PLG: variants seen among roughly 807,000 people sequenced by gnomAD.
PLG encodes the protein plasminogen, also known as plasmin.
Under a neutral mutation model 104.4 loss-of-function variants are expected in PLG, and 41 were observed. The ratio of observed to expected loss-of-function variants is 0.39; its 90% CI spans 0.31 to 0.51. The LOEUF (loss-of-function observed/expected upper bound fraction) is 0.51, where lower values mean the gene tolerates loss of function less well. Ranked by LOEUF, PLG falls within the 20% of genes least tolerant of loss-of-function variation. The pLI, the probability that PLG is intolerant of heterozygous loss-of-function variation, is 0.76. For synonymous variants in PLG, 337 were observed against 357.1 expected, an observed-to-expected ratio of 0.94 and a Z score of 0.63; for missense variants, 891 against 1,003.6, an observed-to-expected ratio of 0.89 and a Z score of 1.52.
At position 160,726,820 on chromosome 6, in the gene PLG, G is replaced by T. The variant is rs868820859; in HGVS notation, c.1257-4231G>T. ...CCCCAATACTTTTTAAGAGTTAAAG[G>T]GGTCTTAAGACCAAAAACTTTGAGA... On this transcript the variant is annotated intron_variant, in intron 10 of 18. Transcript: ENST00000308192. This position sits in a 1 kb window ranked among gnomAD's most constrained non-coding sequence, Gnocchi z 4.4. Among the ~76,000 whole-genome samples the T allele has an allele frequency of 6.6e-6, 1 of 151,798 alleles. No individual in the cohort carries two copies. The highest frequency in any genetic ancestry group is 1.5e-5 in the Non-Finnish European group (1 of 67,792).
intron 10 of PLG, 120 bp downstream of exon 10, chr6:160,722,687 T>C (rs1218588234): frequency 1.2e-6 from 1 of 829,124 alleles, no homozygotes; most frequent in African/African-American, 1.7e-5. Flanking sequence ...ACCCAGAATG[T>C]GTAGAAAAAT....
rs1375142190 is a variant in PLG, at chr6:160,730,900, C to A, written c.1257-151C>A. ...TACACAGTTGTTTAGAAGTTGAGGA[C>A]CATTTTTGTTTGTTACAACATTATT... is the stretch of plus-strand genomic sequence containing the variant. On this transcript the variant is annotated intron_variant, in intron 10 of 18. Transcript: ENST00000308192. 5 of 727,670 alleles carry A rather than the reference C, an allele frequency of 6.9e-6. No homozygotes were observed. The African/African-American group carries it at 8.8e-5, about 13-fold the overall frequency. The allele number at this position is 727,670 out of a possible 1,614,324, so 45.1% of individuals were successfully genotyped here.
chr6:160,731,013 C>A lies in PLG; in HGVS notation c.1257-38C>A. The A allele has an allele frequency of 6.2e-7, 1 of 1,603,204 alleles. No individual in the cohort carries two copies. Among genetic ancestry groups the A allele is most frequent in the Non-Finnish European group, 8.5e-7 (1 of 1,170,194 alleles). On this transcript the variant is annotated intron_variant, in intron 10 of 18. Transcript: ENST00000308192. The surrounding 1 kb of genome is among the most constrained non-coding windows in gnomAD (Gnocchi z 5.1). ...GGTGCTGGGTGCCCCTGAATATTCTCCCACCTCTTGTGACCTGTATTGTTT... is the reference window on the plus strand; with the variant it reads ...GGTGCTGGGTGCCCCTGAATATTCTACCACCTCTTGTGACCTGTATTGTTT...
At chr6:160,745,245 G>A (rs1441405961) in intron 17 of PLG, among the ~76,000 whole-genome samples, 1 of 152,204 alleles carries the variant, frequency 6.6e-6, no homozygotes, top group Non-Finnish European at 1.5e-5. Context: ...AATACTGTCA[G>A]TGGAGTACTG....
rs76889071 is a variant in PLG at position 160,716,392 on chromosome 6, A to T, written c.669-253A>T. On this transcript the variant is annotated intron_variant, in intron 6 of 18. Coordinates refer to ENST00000308192, the MANE Select transcript of PLG (RefSeq NM_000301.5). ...GCGGGAGGATTGCTTGAGTGAGTTC[A>T]AGGAGTTCAAGGCAAGCCTGGGCAA... Among the ~76,000 whole-genome samples the T allele has an allele frequency of 2.2e-3, 330 of 152,236 alleles. 2 individuals are homozygous for T. The highest frequency in any genetic ancestry group is 7.6e-3 in the African/African-American group (317 of 41,548).
Position 160,718,241 on chromosome 6 carries a change from A to G in PLG, c.788-53A>G, listed in dbSNP as rs920098994. On this transcript the variant is annotated intron_variant, in intron 7 of 18. Transcript: ENST00000308192. Reference sequence around the variant, plus strand: ...ACTCCAGCCTGGGCGACAGAGCGAGACTCCGTCTCAAAAAATATATATATT... The same window carrying G: ...ACTCCAGCCTGGGCGACAGAGCGAGGCTCCGTCTCAAAAAATATATATATT... 39 of 1,503,566 alleles carry G rather than the reference A, an allele frequency of 2.6e-5. No individual in the cohort carries two copies. The African/African-American group carries it at 4.8e-4, about 19-fold the overall frequency. The allele number at this position is 1,503,566 out of a possible 1,614,324, so 93.1% of individuals were successfully genotyped here. A position where few individuals can be genotyped will look rare whatever the true frequency, so the allele number is the denominator to read the frequency against.
intron 1 of PLG, among the ~76,000 whole-genome samples, chr6:160,704,209 C>A (rs1470080233): frequency 2.0e-5 from 3 of 152,144 alleles, no homozygotes; most frequent in Non-Finnish European, 4.4e-5. Context: ...CATATGAGTC[C>A]TAGAGGTGAA....
chr6:160,735,814 G>A lies in PLG; in HGVS notation c.1682-1073G>A, dbSNP rs1714290519. ...TTACTCTTTTAGTACAACGATGCAT[G>A]TCTACTGTATGTAAGGCATACTAGC... On this transcript the variant is annotated intron_variant, in intron 13 of 18. Transcript: ENST00000308192. This position sits in a 1 kb window ranked among gnomAD's most constrained non-coding sequence, Gnocchi z 5.4. Among the ~76,000 whole-genome samples the A allele has an allele frequency of 1.3e-5, 2 of 152,186 alleles. No individual in the cohort carries two copies. The highest frequency in any genetic ancestry group is 1.3e-4 in the Admixed American group (2 of 15,284).
At chr6:160,748,344 A>AAGGAAG (rs1778312918) in intron 17 of PLG, among the ~76,000 whole-genome samples, 3 of 71,320 alleles carry the variant, frequency 4.2e-5, no homozygotes, top group African/African-American at 1.5e-4. Flanking sequence ...GAAGGAAGAA[A>AAGGAAG]AGAAAGAGAA....
At chr6:160,711,294 C>T in intron 4 of PLG, 103 bp downstream of exon 4, 2 of 1,038,260 alleles carry the variant, frequency 1.9e-6, no homozygotes, top group African/African-American at 3.2e-5. Flanking sequence ...AAAATCCATG[C>T]TTCTCAAGTC....
rs1445710166 is a variant in PLG at position 160,744,916 on chromosome 6, A to C, written c.2125+3499A>C. 1.3e-5 allele frequency among the ~76,000 whole-genome samples: 2 copies of C among 152,144 alleles called. No individual in the cohort carries two copies. The highest frequency in any genetic ancestry group is 2.9e-5 in the Non-Finnish European group (2 of 68,016). ...CTGCCATAATTTCATTATTCACCCA[A>C]AAGTCATTCAGGAGCATGTTGTTTG... On this transcript the variant is annotated intron_variant, in intron 17 of 18. Coordinates refer to ENST00000308192, the MANE Select transcript of PLG (RefSeq NM_000301.5). The surrounding 1 kb of genome is among the most constrained non-coding windows in gnomAD (Gnocchi z 4.5).
rs1192019009 is a variant in PLG at position 160,753,585 on chromosome 6, G to T, written c.*524G>T. ...GCAAACCGATTCTGTTATTGGGAAT[G>T]AAATCTGTCACCGACTGCTTGACTT... On this transcript the variant is annotated 3_prime_UTR_variant, in exon 19 of 19. Transcript: ENST00000308192. The surrounding 1 kb of genome is among the most constrained non-coding windows in gnomAD (Gnocchi z 5.4). Among the ~76,000 whole-genome samples, 8 of 152,158 alleles carry T rather than the reference G, an allele frequency of 5.3e-5. No homozygotes were observed. The highest frequency in any genetic ancestry group is 5.2e-4 in the Admixed American group (8 of 15,270).
rs770460362 is a variant in PLG at position 160,731,088 on chromosome 6, G to C, written c.1294G>C (p.Asp432His). 3.7e-6 allele frequency: 6 copies of C among 1,613,904 alleles called. No homozygotes were observed. Among genetic ancestry groups the C allele is most frequent in the Non-Finnish European group, 5.1e-6 (6 of 1,179,964 alleles). The change falls in exon 11 of 19, where the codon GAT (aspartate) becomes CAT (histidine). Residue 432 changes from aspartate to histidine, a missense_variant. Asp to His is a moderately conservative substitution (Grantham distance 81). Transcript: ENST00000308192. This position sits in a 1 kb window ranked among gnomAD's most constrained non-coding sequence, Gnocchi z 5.1. ...TMNYCRNPDA[D>H]KGPWCFTTDP... Reference sequence around the variant, plus strand: ...GAACTACTGCAGGAATCCAGATGCCGATAAAGGCCCCTGGTGTTTTACCAC... The same window carrying C: ...GAACTACTGCAGGAATCCAGATGCCCATAAAGGCCCCTGGTGTTTTACCAC...
rs768546781 is a variant in PLG, at chr6:160,722,547, C to A, written c.1236C>A (p.Thr412=). 10 of 1,613,888 alleles carry A rather than the reference C, an allele frequency of 6.2e-6. No individual in the cohort carries two copies. The highest frequency in any genetic ancestry group is 8.5e-6 in the Non-Finnish European group (10 of 1,179,842). The change falls in exon 10 of 19, where the codon ACC becomes ACA. Residue 412 remains threonine, a synonymous_variant. Coordinates refer to ENST00000308192, the MANE Select transcript of PLG (RefSeq NM_000301.5). ...SSMTPHRHQK[T]PENYPNAGLT... is the part of the protein sequence containing the mutation. ...TGACACCACACCGGCACCAGAAGAC[C>A]CCAGAAAACTACCCAAATGCGTATG...
chr6:160,709,959 A>G (rs1777607146), intron 3 of PLG, among the ~76,000 whole-genome samples: 1 of 152,194 alleles, frequency 6.6e-6, no homozygotes. Context: ...ACACCTTTTG[A>G]CGTAGAGCAG....
At chr6:160,747,939 T>C (rs1778304765) in intron 17 of PLG, among the ~76,000 whole-genome samples, 1 of 152,204 alleles carries the variant, frequency 6.6e-6, no homozygotes, top group Non-Finnish European at 1.5e-5. Flanking sequence ...GCTCAGAGAA[T>C]GTGTGGGATG....
At chr6:160,706,012 T>C (rs1777514816) in intron 1 of PLG, 1 of 222,254 alleles carries the variant, frequency 4.5e-6, no homozygotes. Flanking sequence ...TTTTTCTTTG[T>C]TTTATAATTT....
At chr6:160,709,918 T>C (rs1183539807) in intron 3 of PLG, among the ~76,000 whole-genome samples, 1 of 152,242 alleles carries the variant, frequency 6.6e-6, no homozygotes, top group Non-Finnish European at 1.5e-5. Context: ...TTAAACATTT[T>C]ATATTTTCAT....
At chr6:160,717,969 G>A (rs1376086954) in intron 7 of PLG, among the ~76,000 whole-genome samples, 1 of 152,056 alleles carries the variant, frequency 6.6e-6, no homozygotes, top group South Asian at 2.1e-4. Context: ...ATTCATTGTA[G>A]GGCTGGGCAC....
Sources: allele counts gnomAD v4.1 joint callset (sites outside exome capture counted in the v4.1 genomes callset), GRCh38; gene constraint gnomAD v4.1.1; non-coding constraint Gnocchi (gnomAD v3.1); transcripts MANE v1.5; gene names NCBI Gene and HGNC (gene_info 2026-07-23, HGNC 2026-07-21).